CSMD1: variants seen among roughly 807,000 people sequenced by gnomAD.
CSMD1 encodes the protein CUB and Sushi multiple domains 1.
CSMD1 carries 213 observed loss-of-function variants against 417.5 expected under a neutral mutation model. The ratio of observed to expected loss-of-function variants is 0.51; its 90% CI spans 0.46 to 0.57. The LOEUF (loss-of-function observed/expected upper bound fraction) is 0.57, where lower values mean the gene tolerates loss of function less well. Among genes scored for constraint, CSMD1 ranks in the 20% least tolerant of loss-of-function variants. The pLI is 0.00. For synonymous variants in CSMD1, 2,862 were observed against 1,736.8 expected (o/e 1.65, Z -16.11); for missense variants, 6,923 against 4,529.7 (o/e 1.53, Z -15.17).
chr8:4,148,043 T>C (rs1414028001), intron 3 of CSMD1, among the ~76,000 whole-genome samples: 4 of 152,094 alleles, frequency 2.6e-5, no homozygotes, highest in African/African-American at 9.7e-5. Flanking sequence ...CTATGACCTT[T>C]ACGGTAAAGA....
intron 1 of CSMD1, among the ~76,000 whole-genome samples, chr8:4,651,827 G>A (rs1481720657): frequency 2.0e-5 from 3 of 152,190 alleles, no homozygotes; most frequent in Non-Finnish European, 2.9e-5. Context: ...GAACCAAACA[G>A]AGAGCTCATT....
intron 2 of CSMD1, among the ~76,000 whole-genome samples, chr8:4,445,073 C>T (rs1241112924): frequency 6.6e-6 from 1 of 152,176 alleles, no homozygotes; most frequent in Admixed American, 6.5e-5. Flanking sequence ...TACAAAACTA[C>T]ATGTTTAACA....
In CSMD1 at chr8:3,360,536, C is replaced by T. The variant is rs375324535; in HGVS notation, c.3116-1196G>A. Among the ~76,000 whole-genome samples, 4 of 152,248 alleles carry T rather than the reference C, an allele frequency of 2.6e-5. No individual in the cohort carries two copies. The South Asian group carries it at 8.3e-4, about 32-fold the overall frequency. ...AATGCCCAGTTTTGTCAGATAGTAT[C>T]AAACAGTCAGCCAGCCAACTAGGAA... On this transcript the variant is annotated intron_variant, in intron 20 of 69. Coordinates refer to ENST00000635120, the MANE Select transcript of CSMD1 (RefSeq NM_033225.6).
chr8:3,096,453 G>A (rs568454968), intron 47 of CSMD1, among the ~76,000 whole-genome samples: 15 of 152,092 alleles, frequency 9.9e-5, no homozygotes, highest in Admixed American at 3.9e-4. Context: ...TCTCATGTGC[G>A]TGCACCCACT....
At chr8:3,319,745 A>C (rs1369140365) in intron 23 of CSMD1, among the ~76,000 whole-genome samples, 2 of 152,178 alleles carry the variant, frequency 1.3e-5, no homozygotes, top group Non-Finnish European at 2.9e-5. Flanking sequence ...TGTCAGAAGA[A>C]CATTAGGAAC....
intron 9 of CSMD1, among the ~76,000 whole-genome samples, chr8:3,581,814 T>C (rs12679272): frequency 0.38 from 58,296 of 152,054 alleles, 11,742 homozygotes; most frequent in Middle Eastern, 0.46. Context: ...TTTTCCTTTT[T>C]AGTTTTTGAG....
chr8:3,919,734 T>C (rs1293417845), intron 5 of CSMD1, among the ~76,000 whole-genome samples: 1 of 152,148 alleles, frequency 6.6e-6, no homozygotes, highest in Non-Finnish European at 1.5e-5. Context: ...AGTATGGACA[T>C]TTTAAAAATA....
At chr8:4,794,739 C>A (rs1797881526) in intron 1 of CSMD1, among the ~76,000 whole-genome samples, 1 of 152,118 alleles carries the variant, frequency 6.6e-6, no homozygotes, top group Non-Finnish European at 1.5e-5. Flanking sequence ...AAGCTCTGAA[C>A]AGATTATTGA....
chr8:4,831,288 G>A (rs1314942300), intron 1 of CSMD1, among the ~76,000 whole-genome samples: 1 of 152,192 alleles, frequency 6.6e-6, no homozygotes, highest in Non-Finnish European at 1.5e-5. Context: ...GCTCCACTGG[G>A]AGTCTTTACT....
chr8:4,118,937 T>C (rs990310449), intron 3 of CSMD1, among the ~76,000 whole-genome samples: 6 of 152,162 alleles, frequency 3.9e-5, no homozygotes, highest in Non-Finnish European at 7.3e-5. Context: ...TCATTTCCTT[T>C]GGGGGGACAT....
intron 3 of CSMD1, among the ~76,000 whole-genome samples, chr8:4,291,076 T>C (rs986476975): frequency 1.3e-5 from 2 of 152,194 alleles, no homozygotes; most frequent in African/African-American, 4.8e-5. Context: ...TGGAATTTCC[T>C]GTTTTATTTT....
At position 4,909,267 on chromosome 8, in the gene CSMD1, G is replaced by C. The variant is rs1268279510; in HGVS notation, c.85+85065C>G. 2.0e-5 allele frequency among the ~76,000 whole-genome samples: 3 copies of C among 152,104 alleles called. No individual in the cohort carries two copies. The East Asian group carries it at 5.8e-4, about 29-fold the overall frequency. ...CTTCCTACTAGCTGTGAGTCTTTTAGTGATCCTGTGTTTCAGGGCTATGAC... is the reference window on the plus strand; with the variant it reads ...CTTCCTACTAGCTGTGAGTCTTTTACTGATCCTGTGTTTCAGGGCTATGAC... On this transcript the variant is annotated intron_variant, in intron 1 of 69. Coordinates refer to ENST00000635120, the MANE Select transcript of CSMD1 (RefSeq NM_033225.6).
At chr8:4,354,739 C>T (rs192566851) in intron 3 of CSMD1, among the ~76,000 whole-genome samples, 2 of 152,178 alleles carry the variant, frequency 1.3e-5, no homozygotes, top group South Asian at 2.1e-4. Context: ...GTAAGTGATG[C>T]AGGTGTTTGA....
In CSMD1 at chr8:4,006,501, C is replaced by T. The variant is rs536898732; in HGVS notation, c.611-8391G>A. 2.6e-3 allele frequency among the ~76,000 whole-genome samples: 395 copies of T among 152,190 alleles called. 4 individuals are homozygous for T. The highest frequency in any genetic ancestry group is 9.2e-3 in the African/African-American group (383 of 41,534). ...AGAGGTTGCAGTGAGCCAAGATCAC[C>T]CCACTGCACTTGGCCTGAGCGACAG... On this transcript the variant is annotated intron_variant, in intron 4 of 69. Coordinates refer to ENST00000635120, the MANE Select transcript of CSMD1 (RefSeq NM_033225.6).
intron 49 of CSMD1, among the ~76,000 whole-genome samples, chr8:3,075,280 C>T (rs7841845): frequency 0.15 from 5,792 of 39,326 alleles, 430 homozygotes; most frequent in African/African-American, 0.28. Flanking sequence ...TTCTTTCTTT[C>T]TTTTTTTTTT....
chr8:3,048,153 G>C (rs576372251), intron 50 of CSMD1, among the ~76,000 whole-genome samples: 3 of 152,282 alleles, frequency 2.0e-5, no homozygotes, highest in African/African-American at 7.2e-5. Flanking sequence ...TAAATGTAAT[G>C]AAAGTACCCA....
chr8:3,867,722 A>G (rs1409373147), intron 5 of CSMD1, among the ~76,000 whole-genome samples: 1 of 152,132 alleles, frequency 6.6e-6, no homozygotes, highest in Non-Finnish European at 1.5e-5. Flanking sequence ...GTTAATAATA[A>G]TAGCTGCTTA....
intron 49 of CSMD1, among the ~76,000 whole-genome samples, chr8:3,079,917 T>C (rs190867551): frequency 4.2e-4 from 64 of 152,304 alleles, no homozygotes; most frequent in African/African-American, 1.4e-3. Context: ...CCCAGCTCTT[T>C]GCACCAGTTC....
intron 3 of CSMD1, among the ~76,000 whole-genome samples, chr8:4,245,736 G>C (rs1563329679): frequency 6.6e-6 from 1 of 151,862 alleles, no homozygotes; most frequent in Non-Finnish European, 1.5e-5. Context: ...TACACTTCTT[G>C]GTGACTAAGT....
Sources: gnomAD v4.1 joint callset for allele counts (sites outside exome capture counted in the v4.1 genomes callset) on GRCh38, gnomAD v4.1.1 for gene constraint, MANE v1.5 for transcripts, NCBI Gene and HGNC (gene_info 2026-07-23, HGNC 2026-07-21) for gene names.